The following LRBA variants were observed in gnomAD, a reference collection of about 807,000 sequenced individuals.
The protein encoded by LRBA is LPS responsive beige-like anchor protein, also known as lipopolysaccharide-responsive and beige-like anchor protein.
A neutral mutation model predicts 330.0 loss-of-function variants in LRBA; 176 were observed. The observed-to-expected ratio is 0.53, with a 90% CI of 0.47 to 0.60. LRBA has a LOEUF of 0.60. Among genes scored for constraint, LRBA ranks in the 20% least tolerant of loss-of-function variants. The pLI is 0.00. For missense variants in LRBA, 3,259 were observed against 3,444.8 expected, an observed-to-expected ratio of 0.95 and a Z score of 1.35; for synonymous variants, 1,230 against 1,193.0, an observed-to-expected ratio of 1.03 and a Z score of -0.64.
chr4:150,778,935 T>C (rs1407395261), intron 34 of LRBA, among the ~76,000 whole-genome samples: 1 of 152,204 alleles, frequency 6.6e-6, no homozygotes, highest in Non-Finnish European at 1.5e-5. Flanking sequence ...ATTAAAACTA[T>C]ATAAAACAGC....
intron 40 of LRBA, among the ~76,000 whole-genome samples, chr4:150,509,483 C>A (rs2152131401): frequency 6.6e-6 from 1 of 151,356 alleles, no homozygotes; most frequent in Non-Finnish European, 1.5e-5. Flanking sequence ...TTTGACATCC[C>A]CTTTAGGAAA....
intron 40 of LRBA, among the ~76,000 whole-genome samples, chr4:150,574,866 G>A (rs1028284938): frequency 4.6e-5 from 7 of 151,996 alleles, no homozygotes; most frequent in Non-Finnish European, 8.8e-5. Context: ...CTGCTCCTTT[G>A]TGTGTACATA....
At chr4:150,619,280 T>G (rs1410162546) in intron 37 of LRBA, among the ~76,000 whole-genome samples, 3 of 152,156 alleles carry the variant, frequency 2.0e-5, no homozygotes, top group African/African-American at 7.2e-5. Context: ...GAAAAAGGCT[T>G]GAGTTTTTAA....
At chr4:150,490,755 G>A (rs908756082) in intron 41 of LRBA, among the ~76,000 whole-genome samples, 163 bp downstream of exon 41, 2 of 151,652 alleles carry the variant, frequency 1.3e-5, no homozygotes, top group Non-Finnish European at 3.0e-5. Context: ...AATCAAGGTG[G>A]GAAAAAACCA....
At chr4:150,358,732 A>G (rs561151929) in intron 47 of LRBA, among the ~76,000 whole-genome samples, 1 of 152,344 alleles carries the variant, frequency 6.6e-6, no homozygotes, top group Admixed American at 6.5e-5. Context: ...AATTTACTGT[A>G]TGAACTCCTG....
Position 150,597,121 on chromosome 4 carries a change from A to G in LRBA, c.6046+1886T>C, listed in dbSNP as rs72959815. 302 of 1,378,024 alleles carry G rather than the reference A, an allele frequency of 2.2e-4. 1 individual carries two copies. The African/African-American group carries it at 4.2e-3, about 19-fold the overall frequency. The allele number at this position is 1,378,024 out of a possible 1,614,324, so 85.4% of individuals were successfully genotyped here. ...TCTCAATTTAAAAATGCACACTAAAACATAGATAATTAACATTGGATTAAC... is the reference window on the plus strand; with the variant it reads ...TCTCAATTTAAAAATGCACACTAAAGCATAGATAATTAACATTGGATTAAC... On this transcript the variant is annotated intron_variant, in intron 38 of 56. Transcript: ENST00000651943.
chr4:150,905,786 C>CA, intron 13 of LRBA, 52 bp downstream of exon 13: 3 of 1,468,658 alleles, frequency 2.0e-6, no homozygotes, highest in Non-Finnish European at 2.8e-6. Flanking sequence ...TCTCCTCACG[C>CA]ACAAAAACAG....
intron 45 of LRBA, among the ~76,000 whole-genome samples, chr4:150,436,334 C>T (rs542957597): frequency 3.3e-5 from 5 of 152,268 alleles, no homozygotes; most frequent in South Asian, 2.1e-4. Flanking sequence ...TATCAATACA[C>T]GACAGCCTTA....
intron 34 of LRBA, among the ~76,000 whole-genome samples, chr4:150,784,622 T>TA (rs1216988177): frequency 6.6e-6 from 1 of 152,202 alleles, no homozygotes; most frequent in Non-Finnish European, 1.5e-5. Context: ...AGCCTCTACA[T>TA]ATACCTGACT....
At position 150,454,191 on chromosome 4, in the gene LRBA, C is replaced by T. The variant is rs551962747; in HGVS notation, c.6780+13482G>A. On this transcript the variant is annotated intron_variant, in intron 44 of 56. Transcript: ENST00000651943. ...GGCCAGGATGGTCTTGATCTCCTGA[C>T]CTCATGATCTGACCGCCTTGGCCTC... 2.5e-3 allele frequency among the ~76,000 whole-genome samples: 375 copies of T among 152,172 alleles called. 2 individuals carry two copies. Among genetic ancestry groups the T allele is most frequent in the African/African-American group, 8.5e-3 (351 of 41,504 alleles).
chr4:150,786,282 G>T (rs562260624), intron 34 of LRBA, among the ~76,000 whole-genome samples: 4 of 143,292 alleles, frequency 2.8e-5, no homozygotes, highest in Non-Finnish European at 6.0e-5. Context: ...AGATGGAGTC[G>T]CCTGGGCTGG....
chr4:150,489,773 T>C (rs1025830174), intron 41 of LRBA, among the ~76,000 whole-genome samples: 2 of 140,520 alleles, frequency 1.4e-5, no homozygotes, highest in African/African-American at 2.6e-5. Context: ...TATATTCTTA[T>C]CTGTGTGTGT....
chr4:150,924,380 G>C (rs1418887050), intron 4 of LRBA, among the ~76,000 whole-genome samples: 1 of 152,096 alleles, frequency 6.6e-6, no homozygotes, highest in Non-Finnish European at 1.5e-5. Context: ...AAGAATGGTG[G>C]CAAGTGCCTG....
chr4:150,288,863 C>T (rs929194091), intron 53 of LRBA, among the ~76,000 whole-genome samples: 18 of 122,870 alleles, frequency 1.5e-4, no homozygotes, highest in African/African-American at 5.6e-4. Context: ...CTTGAATTGT[C>T]TTGGAATTCC....
intron 47 of LRBA, among the ~76,000 whole-genome samples, chr4:150,352,803 T>C (rs752850241): frequency 6.6e-6 from 1 of 152,180 alleles, no homozygotes; most frequent in Non-Finnish European, 1.5e-5. Flanking sequence ...AGCAATTGTC[T>C]TAATTTGTGT....
rs1045389048 is a variant in LRBA at position 150,999,973 on chromosome 4, A to G, written c.216+14454T>C. On this transcript the variant is annotated intron_variant, in intron 2 of 56. Coordinates refer to ENST00000651943, the MANE Select transcript of LRBA (RefSeq NM_001364905.1). ...ACAGATAATACCAAATGCTATATAC[A>G]CTATGTTTTTTTGTATACACACATA... Among the ~76,000 whole-genome samples the G allele has an allele frequency of 2.3e-4, 35 of 152,338 alleles. 1 individual carries two copies. The highest frequency in any genetic ancestry group is 2.1e-3 in the Admixed American group (32 of 15,302).
intron 36 of LRBA, among the ~76,000 whole-genome samples, chr4:150,716,284 T>C (rs916962710): frequency 6.6e-6 from 1 of 152,044 alleles, no homozygotes; most frequent in African/African-American, 2.4e-5. Context: ...CCGTCTCTAC[T>C]AAAAATACAA....
intron 34 of LRBA, among the ~76,000 whole-genome samples, chr4:150,778,971 C>T (rs1183207517): frequency 6.6e-6 from 1 of 152,116 alleles, no homozygotes; most frequent in Admixed American, 6.5e-5. Flanking sequence ...GATTTTTAAA[C>T]CATCTAATGT....
In LRBA at chr4:150,831,686, A is replaced by G. The variant is rs188009134; in HGVS notation, c.4729+131T>C. On this transcript the variant is annotated intron_variant, in intron 29 of 56. Transcript: ENST00000651943. ...TAAGCCACAACTTTTAGTTAATAAT[A>G]AAAATATATGTATGCTCTCCCTTAA... 46 of 581,842 alleles carry G rather than the reference A, an allele frequency of 7.9e-5. No individual in the cohort carries two copies. In the African/African-American group the frequency reaches 8.5e-4, roughly 11 times the overall value. The allele number at this position is 581,842 out of a possible 1,614,324, so 36.0% of individuals were successfully genotyped here. A position where few individuals can be genotyped will look rare whatever the true frequency, so the allele number is the denominator to read the frequency against.
Sources: gnomAD v4.1 joint callset for allele counts (sites outside exome capture counted in the v4.1 genomes callset) on GRCh38, gnomAD v4.1.1 for gene constraint, MANE v1.5 for transcripts, NCBI Gene and HGNC (gene_info 2026-07-23, HGNC 2026-07-21) for gene names.